The following NCAM1 variants were observed in gnomAD, a reference collection of about 807,000 sequenced individuals.
The protein encoded by NCAM1 is neural cell adhesion molecule 1.
A neutral mutation model predicts 109.8 loss-of-function variants in NCAM1; 14 were observed. That is an observed-to-expected ratio of 0.13 (90% confidence interval 0.08 to 0.20). The LOEUF (loss-of-function observed/expected upper bound fraction) is 0.20. Among genes scored for constraint, NCAM1 ranks in the 10% least tolerant of loss-of-function variants. The probability of loss-of-function intolerance (pLI) is 1.00; values close to 1 mark genes in which losing one functional copy is unlikely to be tolerated. For synonymous variants in NCAM1, 418 were observed against 442.9 expected, an observed-to-expected ratio of 0.94 and a Z score of 0.70; for missense variants, 774 against 1,109.9, an observed-to-expected ratio of 0.70 and a Z score of 4.30.
intron 1 of NCAM1, among the ~76,000 whole-genome samples, chr11:113,020,162 T>C (rs1263127246): frequency 3.3e-5 from 5 of 152,224 alleles, no homozygotes; most frequent in African/African-American, 2.4e-5. Context: ...ACAATGTTTT[T>C]GTGATTTGAG....
chr11:113,092,567 C>G (rs1015412164), intron 1 of NCAM1, among the ~76,000 whole-genome samples: 12 of 152,070 alleles, frequency 7.9e-5, no homozygotes, highest in Admixed American at 7.2e-4. Flanking sequence ...CAGAACTGAG[C>G]CAGTTCTTGA....
chr11:113,052,379 T>C (rs1387407853), intron 1 of NCAM1, among the ~76,000 whole-genome samples: 1 of 152,238 alleles, frequency 6.6e-6, no homozygotes, highest in Admixed American at 6.5e-5. Flanking sequence ...AAATCATCTT[T>C]TATGAAATGT....
At chr11:112,976,674 A>C (rs1488504808) in intron 1 of NCAM1, among the ~76,000 whole-genome samples, 2 of 152,046 alleles carry the variant, frequency 1.3e-5, no homozygotes, top group South Asian at 4.1e-4. Context: ...GTCTGTTTCG[A>C]GTCATGTATC....
chr11:113,025,189 T>A (rs568095778), intron 1 of NCAM1, among the ~76,000 whole-genome samples: 163 of 152,270 alleles, frequency 1.1e-3, no homozygotes, highest in African/African-American at 3.5e-3. Context: ...TTTTTTTTCA[T>A]CAGGATTTGC....
chr11:113,083,189 C>T (rs1026375631), intron 1 of NCAM1, among the ~76,000 whole-genome samples: 10 of 152,090 alleles, frequency 6.6e-5, no homozygotes, highest in Non-Finnish European at 8.8e-5. Flanking sequence ...GCTTTTCCTA[C>T]GTGCCATACA....
intron 15 of NCAM1, among the ~76,000 whole-genome samples, chr11:113,248,359 T>C (rs1945563659): frequency 6.6e-6 from 1 of 152,152 alleles, no homozygotes; most frequent in Admixed American, 6.5e-5. Context: ...TGAAGACTTA[T>C]TCAGGTGAGC....
intron 1 of NCAM1, among the ~76,000 whole-genome samples, chr11:112,997,993 G>A (rs906128380): frequency 1.3e-5 from 2 of 152,130 alleles, no homozygotes; most frequent in East Asian, 1.9e-4. Flanking sequence ...CTGCATGTCC[G>A]AGGGAAGGAA....
chr11:113,032,999 G>A (rs1004954389), intron 1 of NCAM1, among the ~76,000 whole-genome samples: 3 of 152,158 alleles, frequency 2.0e-5, no homozygotes, highest in Non-Finnish European at 4.4e-5. Context: ...CCATAATAAC[G>A]AATTTGATTG....
intron 19 of NCAM1, among the ~76,000 whole-genome samples, chr11:113,272,708 T>G (rs528843328): frequency 6.6e-6 from 1 of 152,086 alleles, no homozygotes; most frequent in South Asian, 2.1e-4. Flanking sequence ...CAGGTCCCTT[T>G]TGAGACCGCC....
At chr11:112,992,547 G>A (rs1231448023) in intron 1 of NCAM1, among the ~76,000 whole-genome samples, 1 of 149,640 alleles carries the variant, frequency 6.7e-6, no homozygotes, top group African/African-American at 2.5e-5. Context: ...TGTTGCCCAG[G>A]CTGGAGTGCA....
At chr11:112,969,070 G>A (rs951746949) in intron 1 of NCAM1, among the ~76,000 whole-genome samples, 1 of 152,154 alleles carries the variant, frequency 6.6e-6, no homozygotes, top group African/African-American at 2.4e-5. Flanking sequence ...CACAAGAAAG[G>A]AAGCAATTAA....
At chr11:113,005,029 C>G (rs1432158403) in intron 1 of NCAM1, among the ~76,000 whole-genome samples, 2 of 152,028 alleles carry the variant, frequency 1.3e-5, no homozygotes, top group East Asian at 3.9e-4. Context: ...TTTCCAAGAG[C>G]TCTTTCTTGA....
In NCAM1 at chr11:113,212,528, GTCCAGA is replaced by G. The variant is rs1333183287; in HGVS notation, c.917-1838_917-1833del. Among the ~76,000 whole-genome samples, 12 of 152,252 alleles carry G rather than the reference GTCCAGA, an allele frequency of 7.9e-5. No homozygotes were observed. In the East Asian group the frequency reaches 2.3e-3, roughly 29 times the overall value. ...GTCAGGAGAAGGTCAGCAAAACGCT[GTCCAGA>G]TCTCAGAGTCTGACAAGATTTTAAG... On this transcript the variant is annotated intron_variant, in intron 7 of 19. Coordinates refer to ENST00000316851, the MANE Select transcript of NCAM1 (RefSeq NM_181351.5).
intron 14 of NCAM1, 200 bp from the exon 15 acceptor site, chr11:113,246,168 T>G (rs1945497400): frequency 5.3e-6 from 3 of 564,896 alleles, no homozygotes; most frequent in Non-Finnish European, 6.3e-6. Context: ...TAATTTAATT[T>G]GATTTCTCCT....
chr11:113,241,032 G>C (rs1945310336), intron 14 of NCAM1, among the ~76,000 whole-genome samples: 2 of 152,222 alleles, frequency 1.3e-5, no homozygotes, highest in Admixed American at 1.3e-4. Context: ...TTCCCTGAAG[G>C]AGAGGCGAGG....
intron 1 of NCAM1, among the ~76,000 whole-genome samples, chr11:113,185,056 G>A (rs1591395903): frequency 1.0e-5 from 1 of 98,802 alleles, no homozygotes; most frequent in East Asian, 3.7e-4. Context: ...GTGTATGTGT[G>A]TGCATTTATA....
chr11:113,033,560 G>A (rs372302202), intron 1 of NCAM1, among the ~76,000 whole-genome samples: 1 of 152,178 alleles, frequency 6.6e-6, no homozygotes, highest in East Asian at 1.9e-4. Flanking sequence ...ACTATGCAAA[G>A]AGAATAGTGG....
chr11:113,063,908 G>T (rs1462201140), intron 1 of NCAM1, among the ~76,000 whole-genome samples: 1 of 152,184 alleles, frequency 6.6e-6, no homozygotes, highest in East Asian at 1.9e-4. Context: ...ACAGAAAGGA[G>T]AATCTGTATT....
At chr11:113,235,210 C>G (rs1945129603) in intron 14 of NCAM1, 46 bp downstream of exon 14, 3 of 1,613,332 alleles carry the variant, frequency 1.9e-6, no homozygotes, top group Admixed American at 1.7e-5. Flanking sequence ...ACCTTCTTCT[C>G]CCTGGGGGCA....
Sources: gnomAD v4.1 joint callset for allele counts (sites outside exome capture counted in the v4.1 genomes callset) on GRCh38, gnomAD v4.1.1 for gene constraint, MANE v1.5 for transcripts, NCBI Gene and HGNC (gene_info 2026-07-23, HGNC 2026-07-21) for gene names.